MYO3A: variants seen among roughly 807,000 people sequenced by gnomAD.
MYO3A encodes the protein myosin IIIA, also known as myosin-IIIa.
MYO3A carries 180 observed loss-of-function variants against 192.7 expected under a neutral mutation model. The ratio of observed to expected loss-of-function variants is 0.93; its 90% CI spans 0.83 to 1.06. The LOEUF (loss-of-function observed/expected upper bound fraction) is 1.06. MYO3A is among the 50% of genes least tolerant of loss of function. MYO3A has a pLI of 0.00. For synonymous variants in MYO3A, 628 were observed against 645.3 expected, an observed-to-expected ratio of 0.97 and a Z score of 0.41; for missense variants, 1,896 against 1,905.0, an observed-to-expected ratio of 1.00 and a Z score of 0.09.
chr10:26,176,242 G>A (rs1430768560), intron 30 of MYO3A, among the ~76,000 whole-genome samples: 3 of 151,542 alleles, frequency 2.0e-5, no homozygotes, highest in African/African-American at 7.3e-5. Context: ...TGCAGTGAGC[G>A]GAGATCGCAC....
At chr10:26,128,958 G>A (rs1839382335) in intron 20 of MYO3A, among the ~76,000 whole-genome samples, 1 of 152,138 alleles carries the variant, frequency 6.6e-6, no homozygotes. Context: ...CAGAATATAA[G>A]ATAATGGGTT....
At chr10:26,123,598 T>C (rs1839006204) in intron 18 of MYO3A, among the ~76,000 whole-genome samples, 1 of 152,178 alleles carries the variant, frequency 6.6e-6, no homozygotes, top group Non-Finnish European at 1.5e-5. Flanking sequence ...TGTAATTGGT[T>C]CAGAGATTTT....
intron 10 of MYO3A, among the ~76,000 whole-genome samples, chr10:26,065,377 A>C (rs1588888655): frequency 6.6e-6 from 1 of 152,032 alleles, no homozygotes; most frequent in East Asian, 1.9e-4. Flanking sequence ...TGAGGTCAGA[A>C]GTTCGAGACC....
chr10:26,178,832 T>C (rs962263630), intron 31 of MYO3A, among the ~76,000 whole-genome samples: 27 of 151,656 alleles, frequency 1.8e-4, no homozygotes, highest in Admixed American at 4.6e-4. Context: ...GACAGAGTCT[T>C]GCTCTGTCAC....
Position 26,021,604 on chromosome 10 carries a change from A to G in MYO3A, c.687A>G (p.Pro229=), listed in dbSNP as rs1377481425. 1.2e-6 allele frequency: 2 copies of G among 1,614,150 alleles called. No individual in the cohort carries two copies. Among genetic ancestry groups the G allele is most frequent in the Admixed American group, 1.7e-5 (1 of 60,012 alleles). ...TTGAGCTGGGTGATGGAGATCCTCC[A>G]CTAGCTGACCTTCATCCCATGAGAG... The part of the protein sequence containing the change: ...TAIELGDGDP[P]LADLHPMRAL... The change falls in exon 8 of 35, where the codon CCA becomes CCG. Residue 229 remains proline, a synonymous_variant. Transcript: ENST00000642920.
At chr10:26,125,169 G>A (rs959726004) in intron 18 of MYO3A, among the ~76,000 whole-genome samples, 1 of 152,120 alleles carries the variant, frequency 6.6e-6, no homozygotes, top group Non-Finnish European at 1.5e-5. Context: ...TGTGATTTGG[G>A]TTATGTTATA....
intron 10 of MYO3A, among the ~76,000 whole-genome samples, chr10:26,062,540 A>C (rs1834569509): frequency 6.6e-6 from 1 of 150,720 alleles, no homozygotes; most frequent in Admixed American, 6.6e-5. Flanking sequence ...AAAATTATGG[A>C]GGAATCTAAT....
chr10:25,981,211 T>C (rs1839305171), intron 4 of MYO3A, among the ~76,000 whole-genome samples: 1 of 152,334 alleles, frequency 6.6e-6, no homozygotes, highest in South Asian at 2.1e-4. Context: ...CTCCTGTTTC[T>C]TGGACACTTA....
intron 20 of MYO3A, among the ~76,000 whole-genome samples, chr10:26,135,880 C>T (rs1420532898): frequency 2.4e-4 from 36 of 149,850 alleles, no homozygotes; most frequent in Non-Finnish European, 1.0e-4. Context: ...GCAGAAGAAT[C>T]GCTTGAACCC....
chr10:25,971,669 C>T (rs747893088), intron 4 of MYO3A, among the ~76,000 whole-genome samples: 1 of 152,182 alleles, frequency 6.6e-6, no homozygotes, highest in Non-Finnish European at 1.5e-5. Flanking sequence ...TGTCATCTCT[C>T]TGCCTTCTGG....
chr10:26,043,901 A>G (rs972238292), intron 10 of MYO3A, among the ~76,000 whole-genome samples: 2 of 152,154 alleles, frequency 1.3e-5, no homozygotes, highest in East Asian at 1.9e-4. Flanking sequence ...GCCCATAGCC[A>G]TCACAGCTGG....
intron 12 of MYO3A, among the ~76,000 whole-genome samples, chr10:26,069,390 A>AT (rs1483933604): frequency 2.0e-5 from 3 of 152,082 alleles, no homozygotes; most frequent in African/African-American, 7.2e-5. Flanking sequence ...ATTATCAATT[A>AT]TTTAACCACT....
At chr10:26,040,389 G>C (rs935903081) in intron 10 of MYO3A, among the ~76,000 whole-genome samples, 2 of 152,008 alleles carry the variant, frequency 1.3e-5, no homozygotes, top group Non-Finnish European at 2.9e-5. Flanking sequence ...TGAATCTTCA[G>C]CCAACAATTG....
At chr10:25,990,369 A>T (rs1489587433) in intron 4 of MYO3A, among the ~76,000 whole-genome samples, 1 of 152,114 alleles carries the variant, frequency 6.6e-6, no homozygotes, top group Non-Finnish European at 1.5e-5. Context: ...AACTGTTTTG[A>T]GGTGACATAA....
At chr10:26,014,287 A>T (rs2131030071) in intron 6 of MYO3A, among the ~76,000 whole-genome samples, 1 of 152,220 alleles carries the variant, frequency 6.6e-6, no homozygotes, top group East Asian at 1.9e-4. Context: ...TAAAAAAATA[A>T]ATAAAAACTA....
intron 31 of MYO3A, among the ~76,000 whole-genome samples, chr10:26,177,946 C>A (rs543610996): frequency 1.1e-4 from 16 of 152,234 alleles, no homozygotes; most frequent in Non-Finnish European, 2.4e-4. Context: ...TCAAGAATTG[C>A]AGTGAAGCTG....
At chr10:25,997,426 C>G (rs1840524358) in intron 6 of MYO3A, among the ~76,000 whole-genome samples, 168 bp downstream of exon 6, 1 of 152,068 alleles carries the variant, frequency 6.6e-6, no homozygotes, top group South Asian at 2.1e-4. Flanking sequence ...TGAGAGATTC[C>G]CAGAAGAAAG....
chr10:26,153,682 TA>T (rs1347476565), intron 23 of MYO3A, among the ~76,000 whole-genome samples, 167 bp from the exon 24 acceptor site: 1 of 152,236 alleles, frequency 6.6e-6, no homozygotes, highest in Non-Finnish European at 1.5e-5. Flanking sequence ...TGTACATTTT[TA>T]CATAATTTTT....
chr10:26,136,748 C>T (rs7085136), intron 20 of MYO3A, among the ~76,000 whole-genome samples: 75,362 of 151,740 alleles, frequency 0.5, 19,213 homozygotes, highest in Middle Eastern at 0.58. Flanking sequence ...CTGGGCATGG[C>T]AGCTCACACC....
Sources: gnomAD v4.1 joint callset for allele counts (sites outside exome capture counted in the v4.1 genomes callset) on GRCh38, gnomAD v4.1.1 for gene constraint, MANE v1.5 for transcripts, NCBI Gene and HGNC (gene_info 2026-07-23, HGNC 2026-07-21) for gene names.